The following RIMS2 variants were observed in gnomAD, a reference collection of about 807,000 sequenced individuals.
The protein encoded by RIMS2 is regulating synaptic membrane exocytosis protein 2.
Under a neutral mutation model 174.4 loss-of-function variants are expected in RIMS2, and 59 were observed. That is an observed-to-expected ratio of 0.34 (90% CI 0.27 to 0.42). The LOEUF (loss-of-function observed/expected upper bound fraction) is 0.42. Among genes scored for constraint, RIMS2 ranks in the 10% least tolerant of loss-of-function variants. RIMS2 has a pLI of 1.00. For synonymous variants in RIMS2, 606 were observed against 572.5 expected (o/e 1.06, Z -0.84); for missense variants, 1,620 against 1,666.3 (o/e 0.97, Z 0.48).
chr8:104,247,139 TA>T (rs1369139515), intron 20 of RIMS2, among the ~76,000 whole-genome samples: 3 of 152,224 alleles, frequency 2.0e-5, no homozygotes, highest in African/African-American at 7.2e-5. Flanking sequence ...ATTTTGACAG[TA>T]GAGCAAGTAA....
At chr8:103,970,647 G>T (rs2092758272) in intron 15 of RIMS2, among the ~76,000 whole-genome samples, 1 of 152,124 alleles carries the variant, frequency 6.6e-6, no homozygotes, top group Non-Finnish European at 1.5e-5. Flanking sequence ...CTCTGGCACT[G>T]GTTCCCACAC....
intron 3 of RIMS2, among the ~76,000 whole-genome samples, chr8:103,846,471 A>G (rs945795736): frequency 6.6e-6 from 1 of 152,124 alleles, no homozygotes. Context: ...TCTCTTATCT[A>G]TATACCCCTA....
intron 14 of RIMS2, among the ~76,000 whole-genome samples, chr8:103,952,226 G>A (rs980445207): frequency 3.9e-5 from 6 of 152,168 alleles, no homozygotes; most frequent in African/African-American, 1.4e-4. Flanking sequence ...CTGAAGAGAG[G>A]AGCAGATCTC....
At chr8:103,639,181 A>T (rs1435170902) in intron 1 of RIMS2, among the ~76,000 whole-genome samples, 1 of 151,934 alleles carries the variant, frequency 6.6e-6, no homozygotes, top group East Asian at 1.9e-4. Flanking sequence ...ATCTAGTTAA[A>T]ATATCCTTTC....
intron 4 of RIMS2, among the ~76,000 whole-genome samples, chr8:103,890,223 C>T (rs1049201914): frequency 1.4e-4 from 21 of 151,928 alleles, no homozygotes; most frequent in African/African-American, 5.1e-4. Flanking sequence ...TCACCTCTTC[C>T]AAGATCTGTC....
chr8:103,745,943 G>A (rs1447309519), intron 2 of RIMS2, among the ~76,000 whole-genome samples: 12 of 152,180 alleles, frequency 7.9e-5, no homozygotes, highest in Admixed American at 7.9e-4. Context: ...TACTTAAAAG[G>A]TTTTTTTGAT....
At chr8:103,871,742 G>A (rs1265232411) in intron 3 of RIMS2, among the ~76,000 whole-genome samples, 1 of 151,844 alleles carries the variant, frequency 6.6e-6, no homozygotes, top group Admixed American at 6.6e-5. Flanking sequence ...TCAAAGAATT[G>A]CATTGATTTT....
intron 3 of RIMS2, among the ~76,000 whole-genome samples, chr8:103,854,080 G>C (rs2099013732): frequency 6.6e-6 from 1 of 151,856 alleles, no homozygotes; most frequent in Admixed American, 6.6e-5. Flanking sequence ...GTGTTTCATA[G>C]TTCTCCTTCT....
At chr8:103,817,218 C>T (rs562522227) in intron 3 of RIMS2, among the ~76,000 whole-genome samples, 24 of 152,162 alleles carry the variant, frequency 1.6e-4, no homozygotes, top group East Asian at 1.4e-3. Flanking sequence ...AAGTTACTTG[C>T]GAGTTAAAAC....
chr8:104,167,309 TCTC>T (rs2098803850), intron 19 of RIMS2, among the ~76,000 whole-genome samples: 1 of 152,252 alleles, frequency 6.6e-6, no homozygotes, highest in African/African-American at 2.4e-5. Context: ...AATTTACCCA[TCTC>T]CTCCAGCCAC....
At chr8:104,132,394 C>T (rs772675915) in intron 19 of RIMS2, among the ~76,000 whole-genome samples, 19 of 152,080 alleles carry the variant, frequency 1.2e-4, no homozygotes, top group Non-Finnish European at 5.9e-5. Context: ...AGGGTATATG[C>T]TGTATATGCT....
chr8:103,682,974 T>C (rs2096898144), intron 1 of RIMS2, among the ~76,000 whole-genome samples: 1 of 152,178 alleles, frequency 6.6e-6, no homozygotes. Context: ...TTACTAGCTC[T>C]GCTACTAATT....
At chr8:103,745,273 C>A (rs2097797661) in intron 2 of RIMS2, among the ~76,000 whole-genome samples, 1 of 152,112 alleles carries the variant, frequency 6.6e-6, no homozygotes, top group Non-Finnish European at 1.5e-5. Flanking sequence ...GCTTTTACGG[C>A]TCATCTGTGT....
At chr8:103,774,012 C>T (rs1299364616) in intron 3 of RIMS2, among the ~76,000 whole-genome samples, 1 of 151,984 alleles carries the variant, frequency 6.6e-6, no homozygotes, top group Non-Finnish European at 1.5e-5. Flanking sequence ...CGCAGTGGCA[C>T]ATGCCTGTAA....
At chr8:104,223,122 G>A (rs2099163129) in intron 19 of RIMS2, among the ~76,000 whole-genome samples, 1 of 152,180 alleles carries the variant, frequency 6.6e-6, no homozygotes, top group South Asian at 2.1e-4. Context: ...CTAACTCACT[G>A]CATCTAATTA....
chr8:103,811,201 G>T (rs1188607042), intron 3 of RIMS2, among the ~76,000 whole-genome samples: 2 of 152,102 alleles, frequency 1.3e-5, no homozygotes, highest in Non-Finnish European at 2.9e-5. Flanking sequence ...GCTTTCAGTG[G>T]TTCTCTTGTT....
At chr8:103,949,443 G>A (rs772160836) in intron 14 of RIMS2, among the ~76,000 whole-genome samples, 3 of 152,122 alleles carry the variant, frequency 2.0e-5, no homozygotes, top group African/African-American at 4.8e-5. Flanking sequence ...GTCAAAGTTT[G>A]TTATCTGATC....
chr8:103,895,012 TTAAA>T (rs1286876284), intron 4 of RIMS2, among the ~76,000 whole-genome samples: 1 of 151,656 alleles, frequency 6.6e-6, no homozygotes, highest in Non-Finnish European at 1.5e-5. Context: ...GTTTTAAAAA[TTAAA>T]TATTGTTATA....
At chr8:104,039,611 T>A (rs1000562375) in intron 19 of RIMS2, among the ~76,000 whole-genome samples, 11 of 151,760 alleles carry the variant, frequency 7.2e-5, no homozygotes, top group African/African-American at 2.7e-4. Context: ...TTCATCCACT[T>A]CATACCAATT....
Sources: allele counts gnomAD v4.1 joint callset (sites outside exome capture counted in the v4.1 genomes callset), GRCh38; gene constraint gnomAD v4.1.1; transcripts MANE v1.5; gene names NCBI Gene and HGNC (gene_info 2026-07-23, HGNC 2026-07-21).